The following SORCS3 variants were observed in gnomAD, a reference collection of about 807,000 sequenced individuals.
SORCS3 encodes sortilin related VPS10 domain containing receptor 3.
In SORCS3, 57 loss-of-function variants were observed where a neutral mutation model predicts 146.3. The ratio of observed to expected loss-of-function variants is 0.39; its 90% CI spans 0.31 to 0.49. The LOEUF (loss-of-function observed/expected upper bound fraction) is 0.49. SORCS3 is among the 20% of genes least tolerant of loss of function. The pLI, the probability that SORCS3 is intolerant of heterozygous loss-of-function variation, is 0.92. For missense variants in SORCS3, 1,341 were observed against 1,575.5 expected (o/e 0.85, Z 2.52); for synonymous variants, 653 against 618.5 (o/e 1.06, Z -0.83).
rs1589620332 is a variant in SORCS3, at chr10:105,075,486, G to A, written c.1029-14289G>A. On this transcript the variant is annotated intron_variant, in intron 5 of 26. Coordinates refer to ENST00000369701, the MANE Select transcript of SORCS3 (RefSeq NM_014978.3). The stretch of plus-strand genomic sequence containing the variant: ...TCCATCCTCTGGTCCCTGCTTAGGG[G>A]TAGGTGCAGGTGGGTTCTGGCAGCA... Among the ~76,000 whole-genome samples the A allele has an allele frequency of 2.0e-5, 3 of 152,166 alleles. No homozygotes were observed. In the South Asian group the frequency reaches 6.2e-4, roughly 32 times the overall value.
chr10:104,740,986 G>A (rs542634531), intron 1 of SORCS3, among the ~76,000 whole-genome samples: 14 of 151,822 alleles, frequency 9.2e-5, no homozygotes, highest in Non-Finnish European at 1.9e-4. Context: ...TTTGGAGACA[G>A]GGTCTCCCTC....
intron 8 of SORCS3, among the ~76,000 whole-genome samples, chr10:105,144,932 T>G (rs2056120766): frequency 6.6e-6 from 1 of 152,142 alleles, no homozygotes; most frequent in Non-Finnish European, 1.5e-5. Context: ...AAAGACCTAT[T>G]TAGACAAAGG....
chr10:104,801,772 A>G (rs2017626715), intron 1 of SORCS3, among the ~76,000 whole-genome samples: 1 of 152,246 alleles, frequency 6.6e-6, no homozygotes, highest in Non-Finnish European at 1.5e-5. Flanking sequence ...AAAATCTTAC[A>G]TGAATTTACA....
At chr10:104,754,071 A>G (rs950905718) in intron 1 of SORCS3, among the ~76,000 whole-genome samples, 1 of 152,210 alleles carries the variant, frequency 6.6e-6, no homozygotes, top group East Asian at 1.9e-4. Flanking sequence ...GGGCTGGTCT[A>G]GTTACTAAAA....
chr10:105,189,617 C>T (rs1415637703), intron 14 of SORCS3, among the ~76,000 whole-genome samples: 4 of 152,250 alleles, frequency 2.6e-5, no homozygotes, highest in African/African-American at 4.8e-5. Context: ...CATGGTGCTG[C>T]GGTCACATAT....
intron 23 of SORCS3, among the ~76,000 whole-genome samples, chr10:105,255,261 G>T (rs138866421): frequency 1.8e-4 from 28 of 151,844 alleles, no homozygotes; most frequent in Admixed American, 9.8e-4. Context: ...TCATAGGTGG[G>T]AATTGAACAA....
At chr10:104,724,567 G>A (rs2016598840) in intron 1 of SORCS3, among the ~76,000 whole-genome samples, 1 of 152,140 alleles carries the variant, frequency 6.6e-6, no homozygotes, top group Non-Finnish European at 1.5e-5. Context: ...ATCCTGCAGA[G>A]TGTTTTCCAA....
rs1199599108 is a variant in SORCS3, at chr10:104,641,649, A to T, written c.322A>T (p.Thr108Ser). 7.7e-5 allele frequency: 118 copies of T among 1,527,558 alleles called. No individual in the cohort carries two copies. Among genetic ancestry groups the T allele is most frequent in the Non-Finnish European group, 9.9e-5 (113 of 1,142,390 alleles). 94.6% of individuals were successfully genotyped at this position (1,527,558 alleles called of 1,614,324 possible). The change falls in exon 1 of 27, where the codon ACA becomes TCA. Residue 108 changes from threonine (T) to serine (S), a missense_variant. Transcript: ENST00000369701. This position sits in a 1 kb window ranked among gnomAD's most constrained non-coding sequence, Gnocchi z 6.4. ...TGAGATGCAGGTGGAAGCCGGAGGG[A>T]CATCACCGGCAGGCGAGCGGCGGGG... is the stretch of plus-strand genomic sequence containing the variant. Reference protein sequence around the residue: ...GGEMQVEAGGTSPAGERRGRG... With the variant: ...GGEMQVEAGGSSPAGERRGRG...
In SORCS3 at chr10:105,016,153, A is replaced by ATT. The variant is rs1242064422; in HGVS notation, c.955-26901_955-26900insTT. ...TATATAAATATATATATATATATAT[A>ATT]TATTTTTTTTTTTTTTTGAGATGGA... On this transcript the variant is annotated intron_variant, in intron 4 of 26. Transcript: ENST00000369701. Among the ~76,000 whole-genome samples the ATT allele has an allele frequency of 2.6e-4, 26 of 101,428 alleles. 1 individual carries two copies. Among genetic ancestry groups the ATT allele is most frequent in the African/African-American group, 1.1e-3 (21 of 19,300 alleles). The allele number at this position is 101,428 out of a possible 152,430, so 66.5% of individuals were successfully genotyped here. A position where few individuals can be genotyped will look rare whatever the true frequency, so the allele number is the denominator to read the frequency against.
chr10:104,714,410 AG>A lies in SORCS3; in HGVS notation c.627+72458del, dbSNP rs754355355. 1.1e-4 allele frequency among the ~76,000 whole-genome samples: 16 copies of A among 152,124 alleles called. No individual in the cohort carries two copies. In the East Asian group the frequency reaches 2.3e-3, roughly 22 times the overall value. Reference sequence around the variant, plus strand: ...CACTTAATGCTATATTTTTCCTGTTAGGCACTACTTTTTCTGCATCTGACAT... The same window carrying A: ...CACTTAATGCTATATTTTTCCTGTTAGCACTACTTTTTCTGCATCTGACAT... On this transcript the variant is annotated intron_variant, in intron 1 of 26. Coordinates refer to ENST00000369701, the MANE Select transcript of SORCS3 (RefSeq NM_014978.3).
At chr10:105,126,161 G>A (rs758811188) in intron 7 of SORCS3, among the ~76,000 whole-genome samples, 2 of 152,134 alleles carry the variant, frequency 1.3e-5, no homozygotes, top group African/African-American at 2.4e-5. Flanking sequence ...ATTGAGCAGT[G>A]TCATATACTT....
intron 9 of SORCS3, 29 bp downstream of exon 9, chr10:105,147,825 G>A (rs574073033): frequency 6.3e-7 from 1 of 1,587,894 alleles, no homozygotes; most frequent in African/African-American, 1.4e-5. Context: ...CCTTCCCTTG[G>A]GTCTGTCTCT....
rs571768411 is a variant in SORCS3, at chr10:105,006,850, C to G, written c.954+29357C>G. On this transcript the variant is annotated intron_variant, in intron 4 of 26. Coordinates refer to ENST00000369701, the MANE Select transcript of SORCS3 (RefSeq NM_014978.3). ...TCTTCTCAACTTACAACAGGCACCC[C>G]TTATCCTGCTTTATTTTTCTTCATA... Among the ~76,000 whole-genome samples, 8 of 152,302 alleles carry G rather than the reference C, an allele frequency of 5.3e-5. No individual in the cohort carries two copies. In the South Asian group the frequency reaches 1.5e-3, roughly 28 times the overall value.
intron 3 of SORCS3, among the ~76,000 whole-genome samples, chr10:104,949,837 G>A (rs1383470483): frequency 6.6e-6 from 1 of 152,242 alleles, no homozygotes; most frequent in Non-Finnish European, 1.5e-5. Context: ...TTACTGTTCA[G>A]TTGCAGATTA....
intron 3 of SORCS3, among the ~76,000 whole-genome samples, chr10:104,958,106 CT>C (rs971153178): frequency 3.3e-5 from 5 of 152,080 alleles, no homozygotes; most frequent in African/African-American, 1.2e-4. Flanking sequence ...TCTTTTCTGC[CT>C]TTGTTTGCAC....
At chr10:104,821,207 G>A (rs1189668029) in intron 1 of SORCS3, among the ~76,000 whole-genome samples, 1 of 152,148 alleles carries the variant, frequency 6.6e-6, no homozygotes, top group East Asian at 1.9e-4. Context: ...TTGAAGGGAG[G>A]AACATAGACC....
At chr10:104,766,632 T>G (rs2017183167) in intron 1 of SORCS3, among the ~76,000 whole-genome samples, 1 of 152,232 alleles carries the variant, frequency 6.6e-6, no homozygotes, top group African/African-American at 2.4e-5. Context: ...GCTGTCCTCC[T>G]TCACAGTGGC....
chr10:104,847,062 C>T (rs1223228617), intron 2 of SORCS3, among the ~76,000 whole-genome samples: 2 of 152,144 alleles, frequency 1.3e-5, no homozygotes, highest in Non-Finnish European at 2.9e-5. Context: ...GCTATGGACT[C>T]AAAGGGAGGA....
chr10:105,207,112 AC>A (rs2056606871), intron 16 of SORCS3, among the ~76,000 whole-genome samples: 1 of 152,076 alleles, frequency 6.6e-6, no homozygotes, highest in Non-Finnish European at 1.5e-5. Context: ...CTCATGCTGA[AC>A]AGGGATCAGG....
Sources: allele counts gnomAD v4.1 joint callset (sites outside exome capture counted in the v4.1 genomes callset), GRCh38; gene constraint gnomAD v4.1.1; non-coding constraint Gnocchi (gnomAD v3.1); transcripts MANE v1.5; gene names NCBI Gene and HGNC (gene_info 2026-07-23, HGNC 2026-07-21).